Variants in OXR1 observed in about 807,000 individuals in gnomAD.
OXR1 encodes oxidation resistance protein 1.
Under a neutral mutation model 104.6 loss-of-function variants are expected in OXR1, and 41 were observed. The observed-to-expected ratio is 0.39, with a 90% CI of 0.31 to 0.51. OXR1 has a LOEUF of 0.51. Ranked by LOEUF, OXR1 falls within the 20% of genes least tolerant of loss-of-function variation. The probability of loss-of-function intolerance (pLI) is 0.77; values close to 1 mark genes in which losing one functional copy is unlikely to be tolerated. For synonymous variants in OXR1, 348 were observed against 348.4 expected (o/e 1.00, Z 0.01); for missense variants, 955 against 1,031.9 (o/e 0.93, Z 1.02).
intron 2 of OXR1, among the ~76,000 whole-genome samples, chr8:106,388,635 G>A (rs751089560): frequency 2.6e-5 from 4 of 152,128 alleles, no homozygotes; most frequent in Non-Finnish European, 5.9e-5. Context: ...TGTTGGCCAG[G>A]CTGTTCTCAA....
chr8:106,417,207 A>G (rs1586622939), intron 2 of OXR1, among the ~76,000 whole-genome samples: 1 of 152,106 alleles, frequency 6.6e-6, no homozygotes, highest in East Asian at 1.9e-4. Flanking sequence ...TCATAAGATC[A>G]CTAGAGAATT....
chr8:106,398,674 T>C (rs1485160065), intron 2 of OXR1, among the ~76,000 whole-genome samples: 1 of 152,166 alleles, frequency 6.6e-6, no homozygotes, highest in Admixed American at 6.6e-5. Context: ...TCTTTAACTC[T>C]ACTATCTTTA....
intron 3 of OXR1, among the ~76,000 whole-genome samples, chr8:106,532,679 T>C (rs1481971956): frequency 6.6e-6 from 1 of 152,102 alleles, no homozygotes; most frequent in African/African-American, 2.4e-5. Flanking sequence ...CAGCTAGAAA[T>C]AAGTAAGAGG....
rs1324262954 is a variant in OXR1 at position 106,312,005 on chromosome 8, AC to A, written c.-139+41644del. 7.6e-5 allele frequency among the ~76,000 whole-genome samples: 9 copies of A among 118,446 alleles called. No individual in the cohort carries two copies. In the East Asian group the frequency reaches 2.1e-3, roughly 28 times the overall value. The allele number at this position is 118,446 out of a possible 152,430, so 77.7% of individuals were successfully genotyped here. On this transcript the variant is annotated intron_variant, in intron 1 of 16. Transcript: ENST00000517566. Reference sequence around the variant, plus strand: ...TATCCTCATCTTCACCTACACCCCCACCCCCCTGCCCACAGACCTTTTTTTC... The same window carrying A: ...TATCCTCATCTTCACCTACACCCCCACCCCCTGCCCACAGACCTTTTTTTC...
intron 6 of OXR1, 119 bp downstream of exon 6, chr8:106,684,478 T>G: frequency 1.6e-6 from 1 of 626,436 alleles, no homozygotes; most frequent in East Asian, 2.6e-5. Flanking sequence ...CCTTTTTATT[T>G]TGTTGCTTAA....
chr8:106,635,540 G>T (rs971519585), intron 3 of OXR1, among the ~76,000 whole-genome samples: 4 of 152,114 alleles, frequency 2.6e-5, no homozygotes, highest in Admixed American at 6.5e-5. Context: ...CGCCTCCTGG[G>T]TTCAAACGAT....
chr8:106,361,916 G>A (rs1816262745), intron 2 of OXR1, among the ~76,000 whole-genome samples: 1 of 152,138 alleles, frequency 6.6e-6, no homozygotes, highest in Admixed American at 6.5e-5. Flanking sequence ...TAACTGTTGT[G>A]GAAAACTACA....
intron 2 of OXR1, among the ~76,000 whole-genome samples, chr8:106,443,318 T>C (rs779910729): frequency 8.5e-5 from 13 of 152,152 alleles, no homozygotes; most frequent in Non-Finnish European, 1.8e-4. Flanking sequence ...GAGGATCATT[T>C]TACTTCCAAC....
chr8:106,420,482 T>G (rs891069777), intron 2 of OXR1, among the ~76,000 whole-genome samples: 2 of 151,960 alleles, frequency 1.3e-5, no homozygotes, highest in African/African-American at 4.8e-5. Context: ...AAAATCGCTT[T>G]AAAACATTGC....
chr8:106,546,198 C>T (rs1181106017), intron 3 of OXR1, among the ~76,000 whole-genome samples: 1 of 152,132 alleles, frequency 6.6e-6, no homozygotes, highest in Non-Finnish European at 1.5e-5. Context: ...TGAGTCATTT[C>T]GTGCTTTACC....
At chr8:106,530,940 G>A (rs1193956521) in intron 3 of OXR1, among the ~76,000 whole-genome samples, 2 of 152,156 alleles carry the variant, frequency 1.3e-5, no homozygotes, top group East Asian at 1.9e-4. Flanking sequence ...GGAAAAATAT[G>A]TACTAAGAGA....
At chr8:106,432,314 C>T (rs1268033528) in intron 2 of OXR1, among the ~76,000 whole-genome samples, 1 of 152,140 alleles carries the variant, frequency 6.6e-6, no homozygotes, top group Non-Finnish European at 1.5e-5. Flanking sequence ...CTTCCATGGT[C>T]TCCATCATAC....
rs112155090 is a variant in OXR1 at position 106,301,207 on chromosome 8, C to T, written c.-139+30840C>T. Among the ~76,000 whole-genome samples, 722 of 152,250 alleles carry T rather than the reference C, an allele frequency of 4.7e-3. 11 individuals are homozygous for T. Among genetic ancestry groups the T allele is most frequent in the African/African-American group, 0.017 (700 of 41,552 alleles). On this transcript the variant is annotated intron_variant, in intron 1 of 16. Transcript: ENST00000517566. ...AGATTTGAAGAAGCAGCGCTTGTCACTGATAGGGTGTTGTTTATAAATTTT... is the reference window on the plus strand; with the variant it reads ...AGATTTGAAGAAGCAGCGCTTGTCATTGATAGGGTGTTGTTTATAAATTTT...
At chr8:106,601,233 C>T (rs1819944858) in intron 3 of OXR1, among the ~76,000 whole-genome samples, 1 of 152,202 alleles carries the variant, frequency 6.6e-6, no homozygotes, top group African/African-American at 2.4e-5. Flanking sequence ...GAGACCATTA[C>T]CCAGAGACAA....
Position 106,359,630 on chromosome 8 carries a change from T to A in OXR1, c.17T>A (p.Leu6Gln), listed in dbSNP as rs1816153324. 1.3e-6 allele frequency: 2 copies of A among 1,547,284 alleles called. No individual in the cohort carries two copies. Among genetic ancestry groups the A allele is most frequent in the African/African-American group, 2.7e-5 (2 of 72,950 alleles). Residue 6 changes from leucine to glutamine, a missense_variant, in exon 2 of 17, where the codon CTA (leucine) becomes CAA (glutamine). This residue lies in a region of OXR1 where 849 missense variants were observed against 852.9 expected (regional missense o/e 1.00). Coordinates refer to ENST00000517566, the MANE Select transcript of OXR1 (RefSeq NM_001198533.2). Reference sequence around the variant, plus strand: ...GTTGCTGCAATGTCTGTGTCTAATCTATCATGGTGAGTGAATGGTTTTCTT... The same window carrying A: ...GTTGCTGCAATGTCTGTGTCTAATCAATCATGGTGAGTGAATGGTTTTCTT... MSVSN[L>Q]SWLKKKSQSV...
At chr8:106,697,494 C>A in intron 7 of OXR1, 1 of 1,609,004 alleles carries the variant, frequency 6.2e-7, no homozygotes, top group Non-Finnish European at 8.5e-7. Context: ...GTAGCCCGAT[C>A]ACGTTCTTGC....
At chr8:106,454,443 AGAGT>A (rs1820490527) in intron 2 of OXR1, among the ~76,000 whole-genome samples, 1 of 150,488 alleles carries the variant, frequency 6.6e-6, no homozygotes, top group Admixed American at 6.6e-5. Context: ...CCTGGGAGAC[AGAGT>A]GAGACTCTGT....
intron 1 of OXR1, among the ~76,000 whole-genome samples, chr8:106,336,038 G>A (rs893080048): frequency 2.0e-5 from 3 of 152,212 alleles, no homozygotes; most frequent in Non-Finnish European, 4.4e-5. Context: ...AGAGGTTGCG[G>A]TGAGCCAAGA....
chr8:106,427,806 AGTCG>A (rs1257091135), intron 2 of OXR1, among the ~76,000 whole-genome samples: 1 of 152,210 alleles, frequency 6.6e-6, no homozygotes, highest in African/African-American at 2.4e-5. Context: ...TAGAATAAAC[AGTCG>A]GACACCTGGG....
Sources: allele counts gnomAD v4.1 joint callset (sites outside exome capture counted in the v4.1 genomes callset), GRCh38; gene constraint gnomAD v4.1.1; regional missense constraint gnomAD v4.1.1; transcripts MANE v1.5; gene names NCBI Gene and HGNC (gene_info 2026-07-23, HGNC 2026-07-21).